SMARCA2: variants seen among roughly 807,000 people sequenced by gnomAD.
SMARCA2 encodes the protein SWI/SNF related BAF chromatin remodeling complex subunit ATPase 2.
A neutral mutation model predicts 199.8 loss-of-function variants in SMARCA2; 61 were observed. The observed-to-expected ratio is 0.31, with a 90% CI of 0.25 to 0.38. The LOEUF (loss-of-function observed/expected upper bound fraction) is 0.38, where lower values mean the gene tolerates loss of function less well. Among genes scored for constraint, SMARCA2 ranks in the 10% least tolerant of loss-of-function variants. The pLI is 1.00. For synonymous variants in SMARCA2, 935 were observed against 732.0 expected (o/e 1.28, Z -4.48); for missense variants, 1,344 against 2,012.2 (o/e 0.67, Z 6.35).
chr9:2,015,715 C>T (rs1818325140), intron 1 of SMARCA2, among the ~76,000 whole-genome samples: 1 of 152,170 alleles, frequency 6.6e-6, no homozygotes, highest in African/African-American at 2.4e-5. Flanking sequence ...GTAATAATTA[C>T]TACTTCAAGG....
intron 19 of SMARCA2, 53 bp from the exon 20 acceptor site, chr9:2,096,604 A>T: frequency 9.0e-7 from 1 of 1,112,380 alleles, no homozygotes; most frequent in Non-Finnish European, 1.4e-6. Context: ...TCTTCTTAGA[A>T]CAGGCGCCTT....
rs550596243 is a variant in SMARCA2 at position 2,132,456 on chromosome 9, T to TG, written c.3981+8527dup. Among the ~76,000 whole-genome samples the TG allele has an allele frequency of 1.3e-3, 203 of 152,070 alleles. 1 individual carries two copies. The highest frequency in any genetic ancestry group is 3.1e-3 in the Admixed American group (48 of 15,246). On this transcript the variant is annotated intron_variant, in intron 27 of 33. Coordinates refer to ENST00000349721, the MANE Select transcript of SMARCA2 (RefSeq NM_003070.5). ...ATTTTACACTGGCAAGATTTTTTTG[T>TG]GGGGGGGGATCCTTTTTCTAAAGCA...
In SMARCA2 at chr9:2,193,150, T is replaced by C. The variant is rs1828009261; in HGVS notation, c.*411T>C. On this transcript the variant is annotated 3_prime_UTR_variant, in exon 34 of 34. Coordinates refer to ENST00000349721, the MANE Select transcript of SMARCA2 (RefSeq NM_003070.5). Reference sequence around the variant, plus strand: ...CCATTAAAAGCCACTGGTTATTTTATTTTTCATCAGGCAATTTTCGAGGTT... The same window carrying C: ...CCATTAAAAGCCACTGGTTATTTTACTTTTCATCAGGCAATTTTCGAGGTT... 1 of 163,460 alleles carries C rather than the reference T, an allele frequency of 6.1e-6. No individual in the cohort carries two copies. Among genetic ancestry groups the C allele is most frequent in the Non-Finnish European group, 1.3e-5 (1 of 75,580 alleles). The allele number at this position is 163,460 out of a possible 1,614,324, so 10.1% of individuals were successfully genotyped here.
intron 6 of SMARCA2, chr9:2,055,559 T>G (rs1820315966): frequency 6.6e-6 from 1 of 152,202 alleles, no homozygotes; most frequent in Non-Finnish European, 1.5e-5. Context: ...AGTTTGGAAG[T>G]ATTGACTTGG....
At chr9:2,023,646 G>T (rs537506061) in intron 1 of SMARCA2, among the ~76,000 whole-genome samples, 5 of 152,108 alleles carry the variant, frequency 3.3e-5, no homozygotes, top group Admixed American at 6.5e-5. Flanking sequence ...CGCTTATCCC[G>T]ACAACCTTGG....
At chr9:2,035,008 C>CTTTA (rs3057853) in intron 3 of SMARCA2, among the ~76,000 whole-genome samples, 35,319 of 142,976 alleles carry the variant, frequency 0.25, 4,611 homozygotes, top group South Asian at 0.32. Context: ...TAATATAAGC[C>CTTTA]TTTATTTATT....
chr9:2,148,001 G>T (rs1191482036), intron 27 of SMARCA2, among the ~76,000 whole-genome samples: 1 of 151,564 alleles, frequency 6.6e-6, no homozygotes, highest in South Asian at 2.1e-4. Context: ...ACCCAGCCAT[G>T]AATGAGAATC....
At chr9:2,160,119 C>T (rs1052224309) in intron 27 of SMARCA2, 24 of 607,956 alleles carry the variant, frequency 3.9e-5, no homozygotes, top group African/African-American at 3.1e-4. Flanking sequence ...GGACAATTTC[C>T]TTTTCTTAAT....
intron 27 of SMARCA2, among the ~76,000 whole-genome samples, chr9:2,152,808 C>G (rs944325886): frequency 7.0e-5 from 10 of 143,300 alleles, no homozygotes; most frequent in Middle Eastern, 4.5e-3. Flanking sequence ...GCCAAGATCA[C>G]GCCACTGCAC....
Position 2,115,048 on chromosome 9 carries a change from T to TA in SMARCA2, c.3457-765dup, listed in dbSNP as rs532678520. Among the ~76,000 whole-genome samples the TA allele has an allele frequency of 1.2e-3, 185 of 151,272 alleles. No individual in the cohort carries two copies. Among genetic ancestry groups the TA allele is most frequent in the South Asian group, 0.012 (57 of 4,788 alleles). On this transcript the variant is annotated intron_variant, in intron 24 of 33. Coordinates refer to ENST00000349721, the MANE Select transcript of SMARCA2 (RefSeq NM_003070.5). The surrounding 1 kb of genome is among the most constrained non-coding windows in gnomAD (Gnocchi z 6.0). ...CAGTATTGTTGAATGTTTCTTTTTT[T>TA]AAAAAAAAAGCCATTAGAGAGAGTA...
At chr9:2,180,355 T>C (rs1402519847) in intron 29 of SMARCA2, among the ~76,000 whole-genome samples, 1 of 152,238 alleles carries the variant, frequency 6.6e-6, no homozygotes, top group African/African-American at 2.4e-5. Flanking sequence ...TTTCCACTGG[T>C]TGCTAAGCAA....
intron 32 of SMARCA2, among the ~76,000 whole-genome samples, chr9:2,189,099 T>A (rs1001488810): frequency 6.6e-6 from 1 of 152,200 alleles, no homozygotes; most frequent in African/African-American, 2.4e-5. Context: ...CATCTCAGGG[T>A]CAGACAATTA....
At chr9:2,154,641 AG>A (rs1177012511) in intron 27 of SMARCA2, among the ~76,000 whole-genome samples, 2 of 152,220 alleles carry the variant, frequency 1.3e-5, no homozygotes, top group African/African-American at 4.8e-5. Flanking sequence ...AGGGAAGCCC[AG>A]GAAAGAACCA....
chr9:2,128,963 C>T (rs1823816394), intron 27 of SMARCA2, among the ~76,000 whole-genome samples: 2 of 152,222 alleles, frequency 1.3e-5, no homozygotes, highest in South Asian at 4.1e-4. Flanking sequence ...TGACTTCAGA[C>T]ACCAGCCACA....
intron 23 of SMARCA2, among the ~76,000 whole-genome samples, chr9:2,106,054 A>G (rs1480325231): frequency 6.6e-6 from 1 of 152,206 alleles, no homozygotes; most frequent in African/African-American, 2.4e-5. Context: ...TGTATGGAAC[A>G]CCGCTCTGTG....
chr9:2,026,848 GA>G (rs1272195695), intron 1 of SMARCA2, among the ~76,000 whole-genome samples: 4 of 151,806 alleles, frequency 2.6e-5, no homozygotes, highest in Non-Finnish European at 5.9e-5. Flanking sequence ...AAAGCAAAAA[GA>G]AAAAAAAGTT....
rs1489750362 is a variant in SMARCA2 at position 2,084,206 on chromosome 9, T to TA, written c.2526+16dup. 5 of 1,443,144 alleles carry TA rather than the reference T, an allele frequency of 3.5e-6. No individual in the cohort carries two copies. The highest frequency in any genetic ancestry group is 4.9e-6 in the Non-Finnish European group (5 of 1,028,130). 89.4% of individuals were successfully genotyped at this position (1,443,144 alleles called of 1,614,324 possible). On this transcript the variant is annotated intron_variant, in intron 17 of 33. Transcript: ENST00000349721. The stretch of plus-strand genomic sequence containing the variant: ...GCACATTCTTGCAAAGGTATGTTTT[T>TA]AAAAAATTATTTTCTCTCTAATTAG...
intron 9 of SMARCA2, among the ~76,000 whole-genome samples, chr9:2,069,392 T>A (rs1042603674): frequency 1.3e-5 from 2 of 150,862 alleles, no homozygotes; most frequent in African/African-American, 4.9e-5. Context: ...CCGTCTCCAC[T>A]AAAAAAATAC....
intron 31 of SMARCA2, among the ~76,000 whole-genome samples, chr9:2,184,570 G>T (rs908839445): frequency 1.3e-5 from 2 of 151,430 alleles, no homozygotes; most frequent in Non-Finnish European, 2.9e-5. Flanking sequence ...GGCCGGGCTG[G>T]TCTCGAACTC....
Sources: gnomAD v4.1 joint callset for allele counts (sites outside exome capture counted in the v4.1 genomes callset) on GRCh38, gnomAD v4.1.1 for gene constraint, Gnocchi (gnomAD v3.1) non-coding constraint, MANE v1.5 for transcripts, NCBI Gene and HGNC (gene_info 2026-07-23, HGNC 2026-07-21) for gene names.